The following FANCD2 variants were observed in gnomAD, a reference collection of about 807,000 sequenced individuals.
The protein encoded by FANCD2 is FA complementation group D2.
A neutral mutation model predicts 192.3 loss-of-function variants in FANCD2; 131 were observed. The observed-to-expected ratio is 0.68, with a 90% confidence interval of 0.59 to 0.79. FANCD2 has a LOEUF of 0.79. Ranked by LOEUF, FANCD2 falls within the 30% of genes least tolerant of loss-of-function variation. FANCD2 has a pLI of 0.00. For missense variants in FANCD2, 1,508 were observed against 1,701.6 expected, an observed-to-expected ratio of 0.89 and a Z score of 2.00; for synonymous variants, 524 against 612.5, an observed-to-expected ratio of 0.86 and a Z score of 2.13.
intron 3 of FANCD2, among the ~76,000 whole-genome samples, chr3:10,034,079 C>G (rs1213422450): frequency 1.3e-5 from 2 of 149,836 alleles, no homozygotes; most frequent in Admixed American, 1.3e-4. Context: ...AATCCCAGCA[C>G]TTGGGAGGCT....
intron 17 of FANCD2, among the ~76,000 whole-genome samples, chr3:10,050,021 A>G (rs964812649): frequency 1.1e-4 from 17 of 152,210 alleles, no homozygotes; most frequent in Admixed American, 2.6e-4. Flanking sequence ...ATGGAGAGGA[A>G]TGATTGGAGG....
chr3:10,046,629 C>G lies in FANCD2; in HGVS notation c.1184C>G (p.Thr395Arg), dbSNP rs763231933. The change falls in exon 15 of 44, where the codon ACA becomes AGA. Residue 395 changes from threonine to arginine, a missense_variant. By Grantham distance (71) the Thr-to-Arg change is moderately conservative (BLOSUM62 -1). Around this residue, in one of 5 missense-constraint regions of FANCD2, gnomAD observed 108 missense variants for 174.1 expected, o/e 0.62. Transcript: ENST00000675286. ...ATCATCTATAGCACCAATACTCAGA[C>G]AAAGAAGTACATTGACAGGGTGCTA... is the stretch of plus-strand genomic sequence containing the variant. ...LFIIYSTNTQTKKYIDRVLRN... is the reference protein window; with the variant it reads ...LFIIYSTNTQRKKYIDRVLRN... 6.2e-7 allele frequency: 1 copy of G among 1,614,266 alleles called. No individual in the cohort carries two copies. Among genetic ancestry groups the G allele is most frequent in the South Asian group, 1.1e-5 (1 of 91,092 alleles).
rs1421535730 is a variant in FANCD2, at chr3:10,065,801, AGGCAAC to A, written c.2270-62_2270-57del. 153 of 1,030,308 alleles carry A rather than the reference AGGCAAC, an allele frequency of 1.5e-4. 2 individuals are homozygous for A. In the South Asian group the frequency reaches 1.9e-3, roughly 13 times the overall value. 63.8% of individuals were successfully genotyped at this position (1,030,308 alleles called of 1,614,324 possible). On this transcript the variant is annotated intron_variant, in intron 24 of 43. Transcript: ENST00000675286. ...AAATAGCAAGGACAGCTAGCTCCAG[AGGCAAC>A]CTCCAGGTTTTATTGGCTTGCACTA...
rs148882087 is a variant in FANCD2, at chr3:10,059,533, G to A, written c.1657-761G>A. ...ACCTTCTCCATTTCGGGCCAGGCACGTAATCACCCCTGTAATCCCAGCACT... is the reference window on the plus strand; with the variant it reads ...ACCTTCTCCATTTCGGGCCAGGCACATAATCACCCCTGTAATCCCAGCACT... On this transcript the variant is annotated intron_variant, in intron 18 of 43. Coordinates refer to ENST00000675286, the MANE Select transcript of FANCD2 (RefSeq NM_001018115.3). Among the ~76,000 whole-genome samples, 13 of 152,280 alleles carry A rather than the reference G, an allele frequency of 8.5e-5. 1 individual carries two copies. The East Asian group carries it at 9.6e-4, about 11-fold the overall frequency.
At chr3:10,034,420 G>A (rs755150961) in intron 3 of FANCD2, 49 bp from the exon 4 acceptor site, 2 of 1,376,046 alleles carry the variant, frequency 1.5e-6, no homozygotes, top group East Asian at 4.6e-5. Context: ...TTTAGAGAAG[G>A]AAAACTATGG....
Position 10,077,140 on chromosome 3 carries a change from G to A in FANCD2, c.2860-941G>A, listed in dbSNP as rs141751369. On this transcript the variant is annotated intron_variant, in intron 29 of 43. Transcript: ENST00000675286. ...CCCAGCTACCTGGGCGGCTGAGGTG[G>A]GACCATCACTTGAGTCCAGGAGGTT... 8.9e-3 allele frequency among the ~76,000 whole-genome samples: 1,274 copies of A among 143,774 alleles called. 21 individuals are homozygous for A. The highest frequency in any genetic ancestry group is 0.035 in the African/African-American group (1,187 of 33,540). The allele number at this position is 143,774 out of a possible 152,430, so 94.3% of individuals were successfully genotyped here. A position where few individuals can be genotyped will look rare whatever the true frequency, so the allele number is the denominator to read the frequency against.
At chr3:10,040,185 C>T (rs1241000129) in intron 9 of FANCD2, 1 of 364,256 alleles carries the variant, frequency 2.7e-6, no homozygotes, top group African/African-American at 2.1e-5. Flanking sequence ...GAGGCACCTG[C>T]TACCATGCCC....
chr3:10,064,662 T>C, intron 22 of FANCD2, 67 bp from the exon 23 acceptor site: 5 of 1,551,940 alleles, frequency 3.2e-6, no homozygotes, highest in Non-Finnish European at 4.4e-6. Flanking sequence ...TGGTTTGCTC[T>C]AGTGGTTTTC....
chr3:10,051,412 AAG>A (rs1559381168), intron 17 of FANCD2, among the ~76,000 whole-genome samples: 367 of 11,362 alleles, frequency 0.032, 96 homozygotes, highest in Non-Finnish European at 0.036. Flanking sequence ...AAAAAACAAA[AAG>A]GAGTGAGGGA....
intron 28 of FANCD2, 94 bp downstream of exon 28, chr3:10,073,456 A>C: frequency 9.5e-7 from 1 of 1,048,786 alleles, no homozygotes; most frequent in East Asian, 2.4e-5. Flanking sequence ...AAAGAAAAAA[A>C]AATTAGGAAA....
chr3:10,091,435 G>A (rs462262), intron 37 of FANCD2, among the ~76,000 whole-genome samples: 9 of 148,254 alleles, frequency 6.1e-5, no homozygotes, highest in South Asian at 2.1e-4. Flanking sequence ...TTGCACCACT[G>A]CACTCCAACC....
chr3:10,064,962 A>G, intron 23 of FANCD2, 87 bp downstream of exon 23: 1 of 1,440,008 alleles, frequency 6.9e-7, no homozygotes, highest in Non-Finnish European at 9.8e-7. Context: ...AGTTGAGTCA[A>G]AAAAGTTTCT....
intron 23 of FANCD2, 24 bp from the exon 24 acceptor site, chr3:10,065,370 T>C (rs778033375): frequency 6.6e-7 from 1 of 1,508,138 alleles, no homozygotes; most frequent in South Asian, 1.1e-5. Flanking sequence ...AAGTGTGGTC[T>C]AGAAATTTAT....
At chr3:10,100,740 A>G (rs1408568130) in intron 43 of FANCD2, among the ~76,000 whole-genome samples, 1 of 152,190 alleles carries the variant, frequency 6.6e-6, no homozygotes, top group Admixed American at 6.5e-5. Flanking sequence ...TGTCATATAC[A>G]TGCAGTAGAG....
intron 32 of FANCD2, among the ~76,000 whole-genome samples, chr3:10,084,572 T>C (rs982875564): frequency 6.6e-5 from 10 of 152,214 alleles, no homozygotes; most frequent in Non-Finnish European, 2.9e-5. Flanking sequence ...AGTGCTGGCA[T>C]TAGAGGCGTG....
chr3:10,084,236 C>T (rs1202016272), intron 32 of FANCD2, among the ~76,000 whole-genome samples: 1 of 151,358 alleles, frequency 6.6e-6, no homozygotes, highest in East Asian at 1.9e-4. Flanking sequence ...CCGTGATCTA[C>T]CCACCTCAGC....
chr3:10,046,768 T>G, intron 15 of FANCD2, 45 bp downstream of exon 15: 2 of 1,412,004 alleles, frequency 1.4e-6, no homozygotes, highest in Non-Finnish European at 2.0e-6. Context: ...ACAGAAAGCT[T>G]TACAGCTCTC....
chr3:10,054,473 ATTTTTT>A (rs55719769), intron 18 of FANCD2, among the ~76,000 whole-genome samples: 2 of 8,402 alleles, frequency 2.4e-4, no homozygotes, highest in Admixed American at 2.4e-3. Flanking sequence ...ATATATATAT[ATTTTTT>A]TTTTTTTTTT....
chr3:10,074,003 T>A (rs1373839487), intron 28 of FANCD2, among the ~76,000 whole-genome samples: 6 of 152,140 alleles, frequency 3.9e-5, no homozygotes, highest in Non-Finnish European at 8.8e-5. Context: ...TGGAGTGCAG[T>A]GGCACGATCT....
Sources: allele counts gnomAD v4.1 joint callset (sites outside exome capture counted in the v4.1 genomes callset), GRCh38; gene constraint gnomAD v4.1.1; regional missense constraint gnomAD v4.1.1; transcripts MANE v1.5; gene names NCBI Gene and HGNC (gene_info 2026-07-23, HGNC 2026-07-21).